COL4A1: variants seen among roughly 807,000 people sequenced by gnomAD.
COL4A1 encodes the protein collagen alpha-1(IV) chain.
Under a neutral mutation model 216.6 loss-of-function variants are expected in COL4A1, and 40 were observed. That is an observed-to-expected ratio of 0.18 (90% CI 0.14 to 0.24). The LOEUF (loss-of-function observed/expected upper bound fraction) is 0.24. Among genes scored for constraint, COL4A1 ranks in the 10% least tolerant of loss-of-function variants. The pLI is 1.00. For synonymous variants in COL4A1, 839 were observed against 810.7 expected (o/e 1.03, Z -0.59); for missense variants, 1,628 against 2,196.8 (o/e 0.74, Z 5.18).
At chr13:110,271,134 T>C (rs1883230757) in intron 1 of COL4A1, among the ~76,000 whole-genome samples, 1 of 152,174 alleles carries the variant, frequency 6.6e-6, no homozygotes, top group African/African-American at 2.4e-5. Flanking sequence ...TGAATACATG[T>C]AAGCAAATGG....
Position 110,233,342 on chromosome 13 carries a change from C to T in COL4A1, c.144+9333G>A, listed in dbSNP as rs115086087. On this transcript the variant is annotated intron_variant, in intron 2 of 51. Coordinates refer to ENST00000375820, the MANE Select transcript of COL4A1 (RefSeq NM_001845.6). Reference sequence around the variant, plus strand: ...GGCATTGCAAACGCCAGACAAAACACGGAAAAGGAAAAGAGAATGTATTCT... The same window carrying T: ...GGCATTGCAAACGCCAGACAAAACATGGAAAAGGAAAAGAGAATGTATTCT... 2.3e-3 allele frequency among the ~76,000 whole-genome samples: 357 copies of T among 152,030 alleles called. 2 individuals carry two copies. The highest frequency in any genetic ancestry group is 8.0e-3 in the African/African-American group (332 of 41,450).
intron 24 of COL4A1, among the ~76,000 whole-genome samples, chr13:110,189,207 G>C (rs558509168): frequency 5.9e-5 from 9 of 152,206 alleles, no homozygotes; most frequent in Non-Finnish European, 1.3e-4. Context: ...GGGATTATAG[G>C]CATACGCCAC....
At chr13:110,175,191 G>A (rs772036817) in intron 37 of COL4A1, 27 bp downstream of exon 37, 7 of 1,613,894 alleles carry the variant, frequency 4.3e-6, no homozygotes, top group Non-Finnish European at 5.9e-6. Context: ...GGGAGAAGGG[G>A]ACCTTTCCAC....
At chr13:110,219,674 A>ATG (rs1880286807) in intron 2 of COL4A1, among the ~76,000 whole-genome samples, 1 of 68,430 alleles carries the variant, frequency 1.5e-5, no homozygotes. Context: ...ATATATATAT[A>ATG]TATGTGTATA....
intron 24 of COL4A1, chr13:110,191,219 T>G (rs1171579203): frequency 6.5e-6 from 1 of 153,980 alleles, no homozygotes; most frequent in Non-Finnish European, 1.4e-5. Flanking sequence ...GAATTCCAGC[T>G]GGGTCATTGC....
intron 1 of COL4A1, among the ~76,000 whole-genome samples, chr13:110,253,633 T>C (rs935478613): frequency 2.9e-5 from 4 of 139,336 alleles, no homozygotes; most frequent in Admixed American, 7.2e-5. Flanking sequence ...TAATTATATA[T>C]GTATGTATGT....
intron 12 of COL4A1, 94 bp downstream of exon 12, chr13:110,208,755 T>C: frequency 8.6e-7 from 1 of 1,163,216 alleles, no homozygotes; most frequent in South Asian, 1.2e-5. Flanking sequence ...GTAACTATAC[T>C]TGTAAGAGTC....
At chr13:110,210,360 C>A in intron 8 of COL4A1, 148 bp from the exon 9 acceptor site, 2 of 770,946 alleles carry the variant, frequency 2.6e-6, no homozygotes, top group South Asian at 1.5e-5. Flanking sequence ...AAATCAATAG[C>A]CTGGCCATCT....
At chr13:110,300,398 A>C (rs1884446647) in intron 1 of COL4A1, among the ~76,000 whole-genome samples, 1 of 152,256 alleles carries the variant, frequency 6.6e-6, no homozygotes, top group Admixed American at 6.5e-5. Flanking sequence ...AATAGCTTTC[A>C]AAACATTGAA....
At chr13:110,292,344 A>AT (rs544778117) in intron 1 of COL4A1, among the ~76,000 whole-genome samples, 131 of 152,162 alleles carry the variant, frequency 8.6e-4, no homozygotes, top group Admixed American at 1.4e-3. Flanking sequence ...TTTGCATATC[A>AT]TCTCAAGGGG....
intron 41 of COL4A1, among the ~76,000 whole-genome samples, chr13:110,172,159 T>C (rs1877675241): frequency 6.6e-6 from 1 of 152,240 alleles, no homozygotes; most frequent in Non-Finnish European, 1.5e-5. Context: ...AGCTCCTGGC[T>C]GCGGCCACCT....
At chr13:110,153,000 CAA>C (rs1339479318) in intron 50 of COL4A1, among the ~76,000 whole-genome samples, 6 of 151,816 alleles carry the variant, frequency 4.0e-5, no homozygotes, top group African/African-American at 1.5e-4. Context: ...GAGAGAAAAA[CAA>C]GAGAAAGAGA....
intron 1 of COL4A1, among the ~76,000 whole-genome samples, chr13:110,293,895 T>G (rs1884176246): frequency 6.6e-6 from 1 of 152,250 alleles, no homozygotes; most frequent in African/African-American, 2.4e-5. Context: ...TTTCCTTGTT[T>G]AAGCCTCTGA....
chr13:110,261,052 A>AAAAAAAAAAAC, intron 1 of COL4A1, among the ~76,000 whole-genome samples: 1 of 151,228 alleles, frequency 6.6e-6, no homozygotes, highest in African/African-American at 2.4e-5. Flanking sequence ...AAAAAAAAAA[A>AAAAAAAAAAAC]AAGGCCAAAA....
intron 2 of COL4A1, among the ~76,000 whole-genome samples, chr13:110,219,824 A>G (rs1418672884): frequency 7.6e-6 from 1 of 130,730 alleles, no homozygotes; most frequent in African/African-American, 2.9e-5. Flanking sequence ...ATATGTATAT[A>G]TATGTATGTA....
At chr13:110,204,358 ATC>A (rs1444674184) in intron 17 of COL4A1, among the ~76,000 whole-genome samples, 2 of 152,198 alleles carry the variant, frequency 1.3e-5, no homozygotes, top group African/African-American at 4.8e-5. Context: ...GGACATAAAT[ATC>A]TTAGCCACTA....
Position 110,183,042 on chromosome 13 carries a change from G to A in COL4A1, c.2046C>T (p.Gly682=), listed in dbSNP as rs749164494. Residue 682 remains glycine, a synonymous_variant, in exon 28 of 52, where the codon GGC becomes GGT. Coordinates refer to ENST00000375820, the MANE Select transcript of COL4A1 (RefSeq NM_001845.6). ...PGRPGLPGEK[G]AVGQPGIGFP... ...ATCCAATGCCTGGCTGGCCCACAGC[G>A]CCCTTCTCTCCTGGCAGGCCTGGCC... The A allele has an allele frequency of 5.8e-5, 94 of 1,613,258 alleles. No individual in the cohort carries two copies. The highest frequency in any genetic ancestry group is 6.5e-5 in the Non-Finnish European group (77 of 1,179,924).
chr13:110,297,305 T>C (rs1168361463), intron 1 of COL4A1, among the ~76,000 whole-genome samples: 1 of 152,150 alleles, frequency 6.6e-6, no homozygotes, highest in Non-Finnish European at 1.5e-5. Flanking sequence ...AGGAATTGTA[T>C]GCCAGGAAAC....
chr13:110,276,851 G>A (rs561534250), intron 1 of COL4A1, among the ~76,000 whole-genome samples: 57 of 152,298 alleles, frequency 3.7e-4, no homozygotes, highest in South Asian at 2.1e-4. Flanking sequence ...CTGGTGACCC[G>A]CAGGCCAGAT....
Sources: gnomAD v4.1 joint callset for allele counts (sites outside exome capture counted in the v4.1 genomes callset) on GRCh38, gnomAD v4.1.1 for gene constraint, MANE v1.5 for transcripts, NCBI Gene and HGNC (gene_info 2026-07-23, HGNC 2026-07-21) for gene names.